The following PRKACB variants were observed in gnomAD, a reference collection of about 807,000 sequenced individuals.
The protein encoded by PRKACB is protein kinase cAMP-activated catalytic subunit beta, also known as cAMP-dependent protein kinase catalytic subunit beta.
PRKACB carries 16 observed loss-of-function variants against 51.4 expected under a neutral mutation model. The observed-to-expected ratio is 0.31, with a 90% CI of 0.21 to 0.47. The LOEUF is 0.47. Ranked by LOEUF, PRKACB falls within the 20% of genes least tolerant of loss-of-function variation. PRKACB has a pLI of 1.00. For synonymous variants in PRKACB, 147 were observed against 154.4 expected (o/e 0.95, Z 0.35); for missense variants, 309 against 464.5 (o/e 0.67, Z 3.08).
intron 1 of PRKACB, among the ~76,000 whole-genome samples, chr1:84,093,633 A>G (rs1372122754): frequency 6.6e-6 from 1 of 151,960 alleles, no homozygotes; most frequent in Non-Finnish European, 1.5e-5. Flanking sequence ...ACATAATTAT[A>G]TACACGAACC....
At chr1:84,126,366 G>A (rs1335193221) in intron 1 of PRKACB, among the ~76,000 whole-genome samples, 1 of 152,142 alleles carries the variant, frequency 6.6e-6, no homozygotes, top group African/African-American at 2.4e-5. Flanking sequence ...AGCGGATGGA[G>A]TGGGAAGGTG....
chr1:84,201,279 C>T (rs1670026873), intron 7 of PRKACB, among the ~76,000 whole-genome samples: 2 of 151,920 alleles, frequency 1.3e-5, no homozygotes, highest in Admixed American at 1.3e-4. Context: ...TGTTTTAATT[C>T]TCATGTTTTT....
chr1:84,170,043 A>G (rs1037273815), intron 1 of PRKACB, among the ~76,000 whole-genome samples: 1 of 151,676 alleles, frequency 6.6e-6, no homozygotes, highest in Non-Finnish European at 1.5e-5. Context: ...ACCTGAATTT[A>G]CCCTTTAAGT....
chr1:84,102,323 G>T (rs1363201417), intron 1 of PRKACB, among the ~76,000 whole-genome samples: 2 of 152,122 alleles, frequency 1.3e-5, no homozygotes, highest in Admixed American at 6.6e-5. Flanking sequence ...GGAGGCGGAG[G>T]TTGTAGTCAA....
intron 8 of PRKACB, among the ~76,000 whole-genome samples, chr1:84,212,682 A>G (rs1345201316): frequency 6.6e-6 from 1 of 152,116 alleles, no homozygotes; most frequent in Non-Finnish European, 1.5e-5. Flanking sequence ...TTAATACCAT[A>G]TTCACTGAAT....
At chr1:84,117,789 T>G (rs1435819790) in intron 1 of PRKACB, among the ~76,000 whole-genome samples, 2 of 152,226 alleles carry the variant, frequency 1.3e-5, no homozygotes, top group Non-Finnish European at 2.9e-5. Flanking sequence ...CTATTTCATT[T>G]AATTCTGCTC....
chr1:84,177,181 T>C (rs1661587477), intron 1 of PRKACB, among the ~76,000 whole-genome samples: 1 of 152,002 alleles, frequency 6.6e-6, no homozygotes, highest in Non-Finnish European at 1.5e-5. Context: ...AAATAAAAGA[T>C]AACTAAAAAT....
chr1:84,163,352 C>T (rs2100712324), intron 1 of PRKACB, among the ~76,000 whole-genome samples: 1 of 152,186 alleles, frequency 6.6e-6, no homozygotes, highest in Admixed American at 6.6e-5. Context: ...TCATTTACCC[C>T]ATGCTATGTT....
intron 1 of PRKACB, among the ~76,000 whole-genome samples, chr1:84,078,577 C>A (rs1447724350): frequency 1.3e-5 from 2 of 152,198 alleles, no homozygotes; most frequent in Non-Finnish European, 2.9e-5. Context: ...CGCGAAGGGC[C>A]GGATGTGGGG....
intron 1 of PRKACB, among the ~76,000 whole-genome samples, chr1:84,089,882 C>T (rs1223977380): frequency 6.6e-6 from 1 of 152,068 alleles, no homozygotes. Context: ...ATCCATCAGT[C>T]CTCTCACTTT....
chr1:84,094,605 C>T (rs1024745929), intron 1 of PRKACB, among the ~76,000 whole-genome samples: 15 of 151,826 alleles, frequency 9.9e-5, no homozygotes, highest in Non-Finnish European at 2.2e-4. Flanking sequence ...TGATACTTGC[C>T]TTATGGGTCA....
intron 9 of PRKACB, 138 bp downstream of exon 9, chr1:84,214,455 T>A (rs983876771): frequency 2.4e-6 from 2 of 846,448 alleles, no homozygotes; most frequent in African/African-American, 1.8e-5. Context: ...CTAAAGTACT[T>A]TACAGCCCAT....
intron 9 of PRKACB, among the ~76,000 whole-genome samples, chr1:84,231,617 C>T (rs1187767547): frequency 6.6e-6 from 1 of 152,148 alleles, no homozygotes; most frequent in African/African-American, 2.4e-5. Context: ...TTGGTCTATT[C>T]AGAGATTCAA....
At chr1:84,187,751 G>GA (rs1665601604) in intron 5 of PRKACB, among the ~76,000 whole-genome samples, 1 of 151,952 alleles carries the variant, frequency 6.6e-6, no homozygotes, top group Admixed American at 6.6e-5. Flanking sequence ...TTATTCTTTA[G>GA]AAAAAACTTT....
At chr1:84,158,669 T>G (rs1411489106) in intron 1 of PRKACB, among the ~76,000 whole-genome samples, 1 of 152,148 alleles carries the variant, frequency 6.6e-6, no homozygotes, top group African/African-American at 2.4e-5. Flanking sequence ...ATTTGTAATT[T>G]TAGTGAAGTC....
rs994380533 is a variant in PRKACB at position 84,185,616 on chromosome 1, C to A, written c.560+434C>A. Among the ~76,000 whole-genome samples, 4 of 151,692 alleles carry A rather than the reference C, an allele frequency of 2.6e-5. No homozygotes were observed. The East Asian group carries it at 7.7e-4, about 29-fold the overall frequency. ...AATAAGATTATAAAAGTTTGTTTTT[C>A]ACAAATTTAATTCTCCTTAAAGTTC... On this transcript the variant is annotated intron_variant, in intron 5 of 9. Transcript: ENST00000370685.
At chr1:84,119,458 C>T (rs961569471) in intron 1 of PRKACB, among the ~76,000 whole-genome samples, 10 of 152,114 alleles carry the variant, frequency 6.6e-5, no homozygotes, top group Admixed American at 6.6e-4. Flanking sequence ...TACCCTTCTA[C>T]TGATGCTTTC....
chr1:84,088,036 T>C (rs1014872565), intron 1 of PRKACB, among the ~76,000 whole-genome samples: 1 of 152,182 alleles, frequency 6.6e-6, no homozygotes, highest in Non-Finnish European at 1.5e-5. Flanking sequence ...TTTTGTAATG[T>C]GAATTAGATT....
chr1:84,109,646 T>C (rs1167384804), intron 1 of PRKACB, among the ~76,000 whole-genome samples: 1 of 151,868 alleles, frequency 6.6e-6, no homozygotes, highest in East Asian at 1.9e-4. Context: ...CCCTGAAACA[T>C]TATGAAAATG....
Sources: allele counts gnomAD v4.1 joint callset (sites outside exome capture counted in the v4.1 genomes callset), GRCh38; gene constraint gnomAD v4.1.1; transcripts MANE v1.5; gene names NCBI Gene and HGNC (gene_info 2026-07-23, HGNC 2026-07-21).